CDH13: variants seen among roughly 807,000 people sequenced by gnomAD.
The protein encoded by CDH13 is cadherin 13.
CDH13 carries 24 observed loss-of-function variants against 63.8 expected under a neutral mutation model. The ratio of observed to expected loss-of-function variants is 0.38; its 90% CI spans 0.27 to 0.53. The LOEUF (loss-of-function observed/expected upper bound fraction) is 0.53. CDH13 is among the 20% of genes least tolerant of loss of function. The pLI is 0.85. For missense variants in CDH13, 1,049 were observed against 903.1 expected (o/e 1.16, Z -2.07); for synonymous variants, 503 against 355.3 (o/e 1.42, Z -4.67).
chr16:82,739,018 T>A (rs2033811715), intron 1 of CDH13, among the ~76,000 whole-genome samples: 1 of 152,208 alleles, frequency 6.6e-6, no homozygotes, highest in Admixed American at 6.5e-5. Context: ...GTGAGCAAGA[T>A]ACGTTTTTTA....
chr16:83,704,600 T>C (rs1906731943), intron 10 of CDH13, among the ~76,000 whole-genome samples: 1 of 152,202 alleles, frequency 6.6e-6, no homozygotes, highest in South Asian at 2.1e-4. Flanking sequence ...CAGGGAAAGC[T>C]GTGTCTCCCC....
At chr16:83,571,236 G>A (rs1375442169) in intron 7 of CDH13, among the ~76,000 whole-genome samples, 2 of 152,006 alleles carry the variant, frequency 1.3e-5, no homozygotes, top group Non-Finnish European at 2.9e-5. Flanking sequence ...TACTGAGAAA[G>A]CAGTCTACAT....
chr16:82,657,777 C>T (rs570909664), intron 1 of CDH13, among the ~76,000 whole-genome samples: 3 of 152,290 alleles, frequency 2.0e-5, no homozygotes, highest in African/African-American at 7.2e-5. Context: ...ACATTAACCT[C>T]GTATCTTGTA....
At chr16:82,730,153 A>G (rs971239072) in intron 1 of CDH13, among the ~76,000 whole-genome samples, 2 of 152,190 alleles carry the variant, frequency 1.3e-5, no homozygotes, top group African/African-American at 4.8e-5. Context: ...TTTCACTGGA[A>G]TGGCACTTTT....
intron 1 of CDH13, among the ~76,000 whole-genome samples, chr16:82,697,776 TGTGTGTGTGTG>T (rs1567638822): frequency 8.3e-5 from 12 of 144,040 alleles, no homozygotes; most frequent in African/African-American, 2.3e-4. Flanking sequence ...TGTGTGTGTG[TGTGTGTGTGTG>T]TAAGTTTTTT....
intron 1 of CDH13, among the ~76,000 whole-genome samples, chr16:82,775,005 G>T (rs1401315535): frequency 6.6e-6 from 1 of 152,228 alleles, no homozygotes; most frequent in African/African-American, 2.4e-5. Flanking sequence ...TTGGGTTGCA[G>T]ACTCTACCTA....
At chr16:83,403,602 G>A (rs1049476163) in intron 6 of CDH13, among the ~76,000 whole-genome samples, 1 of 152,024 alleles carries the variant, frequency 6.6e-6, no homozygotes, top group Non-Finnish European at 1.5e-5. Context: ...CACTCTGGGC[G>A]ACAGAGCGAG....
chr16:82,973,089 T>C (rs767193218), intron 2 of CDH13, among the ~76,000 whole-genome samples: 2 of 152,260 alleles, frequency 1.3e-5, no homozygotes, highest in Admixed American at 6.5e-5. Flanking sequence ...TGTCTCAGCA[T>C]TTCTGCCACT....
At chr16:83,231,336 G>C (rs992280189) in intron 5 of CDH13, among the ~76,000 whole-genome samples, 34 of 152,322 alleles carry the variant, frequency 2.2e-4, no homozygotes, top group Middle Eastern at 3.4e-3. Context: ...AAATCTGCTA[G>C]GTTCAGGGCT....
At chr16:83,455,966 A>G (rs2073014759) in intron 6 of CDH13, among the ~76,000 whole-genome samples, 1 of 152,236 alleles carries the variant, frequency 6.6e-6, no homozygotes, top group African/African-American at 2.4e-5. Flanking sequence ...TGCATCCTGT[A>G]AAGACAGCAG....
At chr16:83,311,416 C>G (rs1349807951) in intron 5 of CDH13, among the ~76,000 whole-genome samples, 2 of 152,242 alleles carry the variant, frequency 1.3e-5, no homozygotes, top group Non-Finnish European at 2.9e-5. Flanking sequence ...AAAATACTTT[C>G]TCTCCAATCC....
At chr16:83,010,715 A>G (rs1286221591) in intron 2 of CDH13, among the ~76,000 whole-genome samples, 2 of 152,166 alleles carry the variant, frequency 1.3e-5, no homozygotes, top group Admixed American at 6.5e-5. Context: ...GAATCAAAAG[A>G]AATACTTATT....
intron 6 of CDH13, among the ~76,000 whole-genome samples, chr16:83,468,887 C>T (rs1453822945): frequency 1.3e-5 from 2 of 152,218 alleles, no homozygotes; most frequent in Non-Finnish European, 2.9e-5. Context: ...GCCCTGCACG[C>T]ATTAGCCCAG....
At position 83,297,981 on chromosome 16, in the gene CDH13, C is replaced by A. The variant is rs182950475; in HGVS notation, c.637-46881C>A. 4.1e-3 allele frequency among the ~76,000 whole-genome samples: 586 copies of A among 143,802 alleles called. 3 individuals are homozygous for A. The highest frequency in any genetic ancestry group is 0.011 in the African/African-American group (427 of 38,364). The allele number at this position is 143,802 out of a possible 152,430, so 94.3% of individuals were successfully genotyped here. On this transcript the variant is annotated intron_variant, in intron 5 of 13. Transcript: ENST00000567109. ...ATCACAGCACTTTAGGAGGCCGAGG[C>A]AGGAGGATTGCTTGAGCCCAGGAGT...
intron 1 of CDH13, among the ~76,000 whole-genome samples, chr16:82,716,045 G>C (rs2032349312): frequency 6.6e-6 from 1 of 152,208 alleles, no homozygotes; most frequent in African/African-American, 2.4e-5. Flanking sequence ...TCTGCCTAAA[G>C]TCGGATAAGG....
At chr16:83,672,668 G>A (rs1257930992) in intron 9 of CDH13, among the ~76,000 whole-genome samples, 4 of 151,908 alleles carry the variant, frequency 2.6e-5, no homozygotes, top group South Asian at 4.2e-4. Context: ...CAAGTGATCT[G>A]CCCGCCTTGG....
chr16:83,379,938 T>TATATATATATATATAGAGAGAGAGAG, intron 6 of CDH13, among the ~76,000 whole-genome samples: 234 of 123,374 alleles, frequency 1.9e-3, no homozygotes, highest in African/African-American at 5.4e-3. Flanking sequence ...TATATATATA[T>TATATATATATATATAGAGAGAGAGAG]AGAGAGAGAG....
intron 10 of CDH13, among the ~76,000 whole-genome samples, chr16:83,740,749 C>T (rs1055959975): frequency 2.6e-5 from 4 of 152,122 alleles, no homozygotes; most frequent in Non-Finnish European, 5.9e-5. Flanking sequence ...TATGGAGTCA[C>T]AGAAGGTCAT....
chr16:82,821,101 G>C (rs2037983395), intron 1 of CDH13, among the ~76,000 whole-genome samples: 1 of 152,176 alleles, frequency 6.6e-6, no homozygotes, highest in African/African-American at 2.4e-5. Context: ...CTTGCAAACT[G>C]ATGACTACTT....
Sources: gnomAD v4.1 joint callset for allele counts (sites outside exome capture counted in the v4.1 genomes callset) on GRCh38, gnomAD v4.1.1 for gene constraint, MANE v1.5 for transcripts, NCBI Gene and HGNC (gene_info 2026-07-23, HGNC 2026-07-21) for gene names.